ARHGEF3: variants seen among roughly 807,000 people sequenced by gnomAD.
The protein encoded by ARHGEF3 is Rho guanine nucleotide exchange factor 3, also known as 59.8 kDA protein.
Under a neutral mutation model 63.2 loss-of-function variants are expected in ARHGEF3, and 28 were observed. The ratio of observed to expected loss-of-function variants is 0.44; its 90% CI spans 0.33 to 0.61. The LOEUF (loss-of-function observed/expected upper bound fraction) is 0.61. Among genes scored for constraint, ARHGEF3 ranks in the 20% least tolerant of loss-of-function variants. The pLI is 0.03. For synonymous variants in ARHGEF3, 266 were observed against 254.2 expected, an observed-to-expected ratio of 1.05 and a Z score of -0.44; for missense variants, 533 against 659.3, an observed-to-expected ratio of 0.81 and a Z score of 2.10.
At chr3:57,020,039 C>T (rs940090229) in intron 2 of ARHGEF3, among the ~76,000 whole-genome samples, 2 of 152,202 alleles carry the variant, frequency 1.3e-5, no homozygotes, top group African/African-American at 2.4e-5. Flanking sequence ...GCTGGGACTA[C>T]AGGCGAGCGC....
rs534972970 is a variant in ARHGEF3 at position 56,770,645 on chromosome 3, G to C, written c.204+3064C>G. On this transcript the variant is annotated intron_variant, in intron 2 of 9. Transcript: ENST00000296315. ...TGCAGATCATTCTGCAAACATGGCT[G>C]CTAACTCTGCATACAACTTGAGGGG... Among the ~76,000 whole-genome samples the C allele has an allele frequency of 7.2e-5, 11 of 152,140 alleles. 1 individual carries two copies. Among genetic ancestry groups the C allele is most frequent in the Non-Finnish European group, 1.0e-4 (7 of 67,988 alleles).
chr3:57,022,803 T>C (rs1266257298), intron 2 of ARHGEF3, among the ~76,000 whole-genome samples: 1 of 152,026 alleles, frequency 6.6e-6, no homozygotes, highest in Non-Finnish European at 1.5e-5. Context: ...AGCAGGCTGA[T>C]CAGGCTGATC....
chr3:57,049,834 C>G (rs867154488), intron 1 of ARHGEF3, among the ~76,000 whole-genome samples: 3 of 152,342 alleles, frequency 2.0e-5, no homozygotes, highest in South Asian at 4.1e-4. Context: ...TAGGTGCAGC[C>G]CCCTGACTGC....
intron 1 of ARHGEF3, among the ~76,000 whole-genome samples, chr3:56,780,996 TAAG>T (rs888115023): frequency 1.3e-5 from 2 of 152,168 alleles, no homozygotes; most frequent in African/African-American, 4.8e-5. Flanking sequence ...AAAATCAAGT[TAAG>T]AAGAGTCACA....
chr3:56,879,756 T>C (rs950913655), intron 4 of ARHGEF3, among the ~76,000 whole-genome samples: 5 of 152,138 alleles, frequency 3.3e-5, no homozygotes, highest in African/African-American at 9.7e-5. Context: ...TTAGATATCA[T>C]CATTTAAATG....
chr3:56,904,097 T>G (rs763411283), intron 3 of ARHGEF3, among the ~76,000 whole-genome samples: 7 of 152,084 alleles, frequency 4.6e-5, no homozygotes, highest in Non-Finnish European at 1.0e-4. Flanking sequence ...TGTTGCAATC[T>G]CAGCTCACTG....
At chr3:56,942,666 T>A (rs1446409956) in intron 3 of ARHGEF3, among the ~76,000 whole-genome samples, 1 of 152,192 alleles carries the variant, frequency 6.6e-6, no homozygotes, top group South Asian at 2.1e-4. Context: ...TTAAGCTTAG[T>A]GAGGAAGGCA....
At chr3:56,923,073 T>TATATATATATAA (rs2042190895) in intron 3 of ARHGEF3, among the ~76,000 whole-genome samples, 1 of 95,612 alleles carries the variant, frequency 1.0e-5, no homozygotes, top group Non-Finnish European at 2.2e-5. Context: ...TATATATATA[T>TATATATATATAA]ATAAATTAGT....
chr3:56,967,006 G>C (rs1189808961), intron 2 of ARHGEF3, among the ~76,000 whole-genome samples: 1 of 150,428 alleles, frequency 6.6e-6, no homozygotes, highest in Admixed American at 6.6e-5. Flanking sequence ...TAGGATTACA[G>C]GCATGCGCCA....
At chr3:57,012,394 G>A (rs112927246) in intron 2 of ARHGEF3, among the ~76,000 whole-genome samples, 4,011 of 152,184 alleles carry the variant, frequency 0.026, 178 homozygotes, top group African/African-American at 0.091. Context: ...GAGCAGCTGG[G>A]ATTACTGGTG....
chr3:56,737,495 GA>G (rs11443478), intron 7 of ARHGEF3, 140 bp from the exon 8 acceptor site: 1,664 of 467,208 alleles, frequency 3.6e-3, no homozygotes, highest in Middle Eastern at 4.7e-3. Context: ...TGGGAAAAGA[GA>G]AAAAAAAAAA....
At chr3:56,952,159 A>G (rs1215095044) in intron 3 of ARHGEF3, among the ~76,000 whole-genome samples, 1 of 152,020 alleles carries the variant, frequency 6.6e-6, no homozygotes, top group African/African-American at 2.4e-5. Flanking sequence ...TAGTCTGATG[A>G]GCCCTTAAAA....
intron 4 of ARHGEF3, among the ~76,000 whole-genome samples, chr3:56,869,729 C>G (rs1341298265): frequency 3.3e-5 from 5 of 152,152 alleles, no homozygotes; most frequent in Non-Finnish European, 7.3e-5. Flanking sequence ...ACTCAATTAG[C>G]TGGGCATGGA....
chr3:56,837,347 A>G (rs2039150181), intron 4 of ARHGEF3, among the ~76,000 whole-genome samples: 5 of 152,142 alleles, frequency 3.3e-5, no homozygotes, highest in Admixed American at 3.3e-4. Context: ...GTAGGATCAA[A>G]CCCTTGTCTT....
chr3:56,742,451 G>A (rs930251927), intron 7 of ARHGEF3, among the ~76,000 whole-genome samples: 1 of 152,208 alleles, frequency 6.6e-6, no homozygotes, highest in African/African-American at 2.4e-5. Flanking sequence ...TCATAGGTAT[G>A]AATGCAATCA....
rs1034143442 is a variant in ARHGEF3 at position 56,944,575 on chromosome 3, T to C, written c.129+14248A>G. On this transcript the variant is annotated intron_variant, in intron 3 of 12. Transcript: ENST00000338458. ...GAGCAAAGAAAGTGGTTTCTTTTTTTTTTTTTTTTTTTTTTTTGTGAGACA... is the reference window on the plus strand; with the variant it reads ...GAGCAAAGAAAGTGGTTTCTTTTTTCTTTTTTTTTTTTTTTTTGTGAGACA... Among the ~76,000 whole-genome samples, 4 of 142,656 alleles carry C rather than the reference T, an allele frequency of 2.8e-5. No homozygotes were observed. In the Admixed American group the frequency reaches 2.9e-4, roughly 10 times the overall value. 93.6% of individuals were successfully genotyped at this position (142,656 alleles called of 152,430 possible).
At chr3:56,792,992 G>GTT (rs1050235313) in intron 1 of ARHGEF3, among the ~76,000 whole-genome samples, 7 of 131,422 alleles carry the variant, frequency 5.3e-5, no homozygotes, top group Admixed American at 1.5e-4. Flanking sequence ...ACGGCATTGG[G>GTT]TTTTTTTTTT....
chr3:56,757,068 T>G (rs1429878451), intron 2 of ARHGEF3, among the ~76,000 whole-genome samples: 1 of 152,232 alleles, frequency 6.6e-6, no homozygotes, highest in Admixed American at 6.5e-5. Context: ...TGAGCCTTCA[T>G]CACAAAGGCA....
At chr3:56,985,598 G>A (rs1266343489) in intron 2 of ARHGEF3, among the ~76,000 whole-genome samples, 1 of 152,218 alleles carries the variant, frequency 6.6e-6, no homozygotes, top group East Asian at 1.9e-4. Context: ...GGGCAGCAGG[G>A]CTCAGGGCCA....
Sources: allele counts gnomAD v4.1 joint callset (sites outside exome capture counted in the v4.1 genomes callset), GRCh38; gene constraint gnomAD v4.1.1; transcripts MANE v1.5; gene names NCBI Gene and HGNC (gene_info 2026-07-23, HGNC 2026-07-21).